Variants in WARS2 observed in about 807,000 individuals in gnomAD.
The protein encoded by WARS2 is tryptophan--tRNA ligase, mitochondrial.
A neutral mutation model predicts 36.5 loss-of-function variants in WARS2; 28 were observed. The observed-to-expected ratio is 0.77, with a 90% CI of 0.57 to 1.05. The LOEUF is 1.05. Among genes scored for constraint, WARS2 ranks in the 50% least tolerant of loss-of-function variants. WARS2 has a pLI of 0.00. For missense variants in WARS2, 435 were observed against 456.8 expected (o/e 0.95, Z 0.44); for synonymous variants, 174 against 178.4 (o/e 0.98, Z 0.20).
chr1:119,050,065 G>A lies in WARS2; in HGVS notation c.349-4403C>T, dbSNP rs541642272. ...GAGTCCTCATAACAGCCTGTAAGAT[G>A]AGGCAAAGTCATCTCCTCCGTTTCA... On this transcript the variant is annotated intron_variant, in intron 2 of 5. Coordinates refer to ENST00000235521, the MANE Select transcript of WARS2 (RefSeq NM_015836.4). Among the ~76,000 whole-genome samples, 12 of 152,280 alleles carry A rather than the reference G, an allele frequency of 7.9e-5. No homozygotes were observed. The East Asian group carries it at 2.3e-3, about 29-fold the overall frequency.
intron 1 of WARS2, among the ~76,000 whole-genome samples, chr1:119,138,890 A>C (rs1656720336): frequency 1.3e-5 from 2 of 152,210 alleles, no homozygotes; most frequent in Non-Finnish European, 2.9e-5. Flanking sequence ...CATAAATGCC[A>C]CTGAAACAAT....
At chr1:119,071,577 A>C (rs1651319053) in intron 2 of WARS2, among the ~76,000 whole-genome samples, 1 of 152,186 alleles carries the variant, frequency 6.6e-6, no homozygotes. Context: ...TGTTAAGTGA[A>C]ATAAGCCAGG....
intron 1 of WARS2, among the ~76,000 whole-genome samples, chr1:119,125,810 G>C (rs1343576566): frequency 6.6e-6 from 1 of 152,212 alleles, no homozygotes; most frequent in African/African-American, 2.4e-5. Flanking sequence ...TTCTCCAAGA[G>C]AGTTCAATTA....
chr1:119,052,807 G>T (rs1649475475), intron 2 of WARS2, among the ~76,000 whole-genome samples: 1 of 152,126 alleles, frequency 6.6e-6, no homozygotes, highest in African/African-American at 2.4e-5. Context: ...GGTACCTATA[G>T]CTTGGCTATA....
At chr1:119,098,390 G>T (rs1180639364) in intron 1 of WARS2, among the ~76,000 whole-genome samples, 1 of 152,138 alleles carries the variant, frequency 6.6e-6, no homozygotes, top group Non-Finnish European at 1.5e-5. Flanking sequence ...TCACTTTAAA[G>T]TTCAGAGTAG....
chr1:119,046,411 T>C (rs540713669), intron 2 of WARS2, among the ~76,000 whole-genome samples: 13 of 150,200 alleles, frequency 8.7e-5, no homozygotes, highest in African/African-American at 2.7e-4. Flanking sequence ...TGCAGTGGTG[T>C]GATCTCAGTT....
intron 4 of WARS2, among the ~76,000 whole-genome samples, chr1:119,037,392 T>C (rs1402099608): frequency 6.6e-6 from 1 of 152,158 alleles, no homozygotes; most frequent in Non-Finnish European, 1.5e-5. Context: ...TCACAGAGAT[T>C]TGTTCTCTTA....
intron 1 of WARS2, among the ~76,000 whole-genome samples, chr1:119,099,830 A>C (rs1653728738): frequency 6.6e-6 from 1 of 152,168 alleles, no homozygotes; most frequent in African/African-American, 2.4e-5. Context: ...TTAAACATAG[A>C]CCTGAAACTA....
At chr1:119,104,876 G>A (rs1654126235) in intron 1 of WARS2, among the ~76,000 whole-genome samples, 2 of 152,072 alleles carry the variant, frequency 1.3e-5, no homozygotes, top group African/African-American at 4.8e-5. Flanking sequence ...GAAAAGCAGT[G>A]AGGGAGCAGA....
At chr1:119,121,458 C>T (rs1655320983) in intron 1 of WARS2, among the ~76,000 whole-genome samples, 1 of 151,986 alleles carries the variant, frequency 6.6e-6, no homozygotes, top group African/African-American at 2.4e-5. Context: ...GTAAAAATGA[C>T]CATACTGCCA....
chr1:119,076,736 T>C (rs1557963625), intron 1 of WARS2, 129 bp from the exon 2 acceptor site: 1 of 1,366,418 alleles, frequency 7.3e-7, no homozygotes, highest in Non-Finnish European at 9.9e-7. Flanking sequence ...TCATCATCCA[T>C]TTATTTTGTG....
At chr1:119,103,026 T>C (rs778020879) in intron 1 of WARS2, among the ~76,000 whole-genome samples, 73 of 152,224 alleles carry the variant, frequency 4.8e-4, no homozygotes, top group Non-Finnish European at 9.0e-4. Flanking sequence ...GCAGCAGTTT[T>C]CTACTTTTTT....
At chr1:119,115,418 G>A (rs897797527) in intron 1 of WARS2, among the ~76,000 whole-genome samples, 2 of 152,224 alleles carry the variant, frequency 1.3e-5, no homozygotes, top group Non-Finnish European at 2.9e-5. Context: ...AAACTGGAGA[G>A]CAAACCCTGC....
At chr1:119,102,932 G>A (rs1220733490) in intron 1 of WARS2, among the ~76,000 whole-genome samples, 1 of 152,086 alleles carries the variant, frequency 6.6e-6, no homozygotes, top group African/African-American at 2.4e-5. Flanking sequence ...GCTACACTGC[G>A]TTGTTTGTAT....
At chr1:119,123,375 A>G (rs748474195) in intron 1 of WARS2, among the ~76,000 whole-genome samples, 1 of 152,200 alleles carries the variant, frequency 6.6e-6, no homozygotes, top group Non-Finnish European at 1.5e-5. Flanking sequence ...ACCCTAGCCA[A>G]TGAGGTGCTT....
At chr1:119,041,035 G>C (rs747761499) in intron 4 of WARS2, among the ~76,000 whole-genome samples, 10 of 152,112 alleles carry the variant, frequency 6.6e-5, no homozygotes, top group Non-Finnish European at 4.4e-5. Context: ...TTGAAGATAG[G>C]CTGCATGTAC....
At chr1:119,051,037 A>T (rs926297556) in intron 2 of WARS2, among the ~76,000 whole-genome samples, 12 of 151,936 alleles carry the variant, frequency 7.9e-5, no homozygotes, top group East Asian at 5.8e-4. Flanking sequence ...CTTTTTTTTT[A>T]AATTTTATTT....
In WARS2 at chr1:119,124,082, T is replaced by C. The variant is rs145565355; in HGVS notation, c.90+16473A>G. ...TTGCATTATTTTGTGTCTCAGTAAA[T>C]TGCAAATTCATTCTTCCAGTTGCTC... is the stretch of plus-strand genomic sequence containing the variant. On this transcript the variant is annotated intron_variant, in intron 1 of 5. Transcript: ENST00000235521. 6.7e-3 allele frequency among the ~76,000 whole-genome samples: 1,025 copies of C among 152,342 alleles called. 7 individuals carry two copies. The highest frequency in any genetic ancestry group is 0.01 in the Admixed American group (160 of 15,300).
At chr1:119,140,490 G>A (rs1019554029) in intron 1 of WARS2, 65 bp downstream of exon 1, 112 of 1,445,140 alleles carry the variant, frequency 7.8e-5, no homozygotes, top group Non-Finnish European at 1.1e-4. Context: ...ATAAATAGAG[G>A]GCAGTGGGAT....
Sources: allele counts gnomAD v4.1 joint callset (sites outside exome capture counted in the v4.1 genomes callset), GRCh38; gene constraint gnomAD v4.1.1; transcripts MANE v1.5; gene names NCBI Gene and HGNC (gene_info 2026-07-23, HGNC 2026-07-21).